Variants in FGGY observed in about 807,000 individuals in gnomAD.
The protein encoded by FGGY is FGGY carbohydrate kinase domain-containing protein.
Under a neutral mutation model 71.3 loss-of-function variants are expected in FGGY, and 72 were observed. That is an observed-to-expected ratio of 1.01 (90% CI 0.84 to 1.23). FGGY has a LOEUF of 1.23. Ranked by LOEUF, FGGY falls within the 50% of genes most tolerant of loss-of-function variation. FGGY has a pLI of 0.00. For synonymous variants in FGGY, 251 were observed against 250.3 expected, an observed-to-expected ratio of 1.00 and a Z score of -0.02; for missense variants, 668 against 682.3, an observed-to-expected ratio of 0.98 and a Z score of 0.23.
rs2094537757 is a variant in FGGY at position 59,512,324 on chromosome 1, A to G, written c.684A>G (p.Leu228=). The G allele has an allele frequency of 6.2e-7, 1 of 1,609,556 alleles. No individual in the cohort carries two copies. The highest frequency in any genetic ancestry group is 1.1e-5 in the South Asian group (1 of 90,430). ...DNYSKIGNQV[L]PPGASLGNGL... is the part of the protein sequence containing the mutation. ...ATGTCTACCCAGGAAACCAAGTGCT[A>G]CCTCCTGGAGCTTCTCTTGGAAATG... Residue 228 remains leucine (L), a synonymous_variant, in exon 7 of 16, where the codon CTA becomes CTG. Coordinates refer to ENST00000303721, the MANE Select transcript of FGGY (RefSeq NM_018291.5).
intron 7 of FGGY, among the ~76,000 whole-genome samples, chr1:59,535,409 A>T (rs1188443713): frequency 3.3e-5 from 5 of 152,208 alleles, no homozygotes; most frequent in Non-Finnish European, 7.3e-5. Context: ...CACTGTCAAC[A>T]TTAGACAGAT....
intron 8 of FGGY, among the ~76,000 whole-genome samples, chr1:59,603,663 G>T (rs553336762): frequency 3.3e-5 from 5 of 152,196 alleles, no homozygotes; most frequent in African/African-American, 1.2e-4. Context: ...CTAGAATCAC[G>T]ATGGGCCTTT....
intron 5 of FGGY, among the ~76,000 whole-genome samples, chr1:59,406,157 C>T (rs2062703655): frequency 6.6e-6 from 1 of 151,644 alleles, no homozygotes; most frequent in Non-Finnish European, 1.5e-5. Flanking sequence ...AATTTGCCTA[C>T]TTACTAAATC....
At chr1:59,627,475 TATATATATATATATAC>T (rs1483291136) in intron 10 of FGGY, among the ~76,000 whole-genome samples, 3 of 131,036 alleles carry the variant, frequency 2.3e-5, no homozygotes, top group African/African-American at 6.7e-5. Flanking sequence ...TATATATATA[TATATATATATATATAC>T]ACACACACAC....
At chr1:59,556,973 G>A (rs970068759) in intron 8 of FGGY, among the ~76,000 whole-genome samples, 1 of 152,142 alleles carries the variant, frequency 6.6e-6, no homozygotes, top group Non-Finnish European at 1.5e-5. Context: ...ACTTGGGAGT[G>A]GGAAGGGACC....
chr1:59,511,427 A>C (rs1335684228), intron 6 of FGGY, among the ~76,000 whole-genome samples: 11 of 152,182 alleles, frequency 7.2e-5, no homozygotes. Context: ...CCTGCAGTGC[A>C]GAAATACTAT....
intron 5 of FGGY, among the ~76,000 whole-genome samples, chr1:59,405,917 C>CTTTT (rs111511578): frequency 6.9e-6 from 1 of 144,896 alleles, no homozygotes; most frequent in Non-Finnish European, 1.5e-5. Flanking sequence ...TTTCCCCTAG[C>CTTTT]TTTTTTTTTT....
chr1:59,717,485 C>T (rs772409561), intron 14 of FGGY, among the ~76,000 whole-genome samples: 1 of 151,942 alleles, frequency 6.6e-6, no homozygotes, highest in Non-Finnish European at 1.5e-5. Context: ...CAACAAAGGC[C>T]GGATGGGAAA....
chr1:59,515,757 C>A (rs2094629274), intron 7 of FGGY, among the ~76,000 whole-genome samples: 1 of 152,108 alleles, frequency 6.6e-6, no homozygotes, highest in South Asian at 2.1e-4. Context: ...GCCTTTTGCC[C>A]TCCACCATGA....
At chr1:59,679,863 G>T (rs1235335028) in intron 14 of FGGY, among the ~76,000 whole-genome samples, 3 of 152,094 alleles carry the variant, frequency 2.0e-5, no homozygotes, top group Admixed American at 6.6e-5. Context: ...CTCCAGACTT[G>T]AATATTTAGG....
Position 59,723,679 on chromosome 1 carries a change from A to C in FGGY, c.1513-34252A>C, listed in dbSNP as rs1469710327. On this transcript the variant is annotated intron_variant, in intron 14 of 15. Transcript: ENST00000303721. ...CACACAGAGTGAGATCGTTTTATACACTAGTAACACAGTTACATTGTTTTT... is the reference window on the plus strand; with the variant it reads ...CACACAGAGTGAGATCGTTTTATACCCTAGTAACACAGTTACATTGTTTTT... Among the ~76,000 whole-genome samples the C allele has an allele frequency of 2.0e-5, 3 of 152,074 alleles. No individual in the cohort carries two copies. In the South Asian group the frequency reaches 6.2e-4, roughly 31 times the overall value.
intron 14 of FGGY, among the ~76,000 whole-genome samples, chr1:59,737,629 A>G (rs1329713074): frequency 1.3e-5 from 2 of 152,182 alleles, no homozygotes; most frequent in Non-Finnish European, 2.9e-5. Flanking sequence ...CCCATTTGGA[A>G]TGGCTGTATT....
At position 59,471,632 on chromosome 1, in the gene FGGY, CT is replaced by C. The variant is rs150017140; in HGVS notation, c.670+14557del. 5.7e-3 allele frequency among the ~76,000 whole-genome samples: 870 copies of C among 152,302 alleles called. 7 individuals carry two copies. The highest frequency in any genetic ancestry group is 0.02 in the African/African-American group (841 of 41,568). ...GCCTGATAAAGAATGACTTGGAGGT[CT>C]CCATGCCAGTTAGCCATCCATCCAG... On this transcript the variant is annotated intron_variant, in intron 6 of 15. Coordinates refer to ENST00000303721, the MANE Select transcript of FGGY (RefSeq NM_018291.5).
chr1:59,373,927 G>A (rs1001132219), intron 4 of FGGY, among the ~76,000 whole-genome samples: 25 of 152,218 alleles, frequency 1.6e-4, no homozygotes, highest in South Asian at 8.3e-4. Context: ...AGACTTAAAC[G>A]TTAGACCTAA....
chr1:59,479,027 T>C (rs1053317220), intron 6 of FGGY, among the ~76,000 whole-genome samples: 3 of 152,348 alleles, frequency 2.0e-5, no homozygotes, highest in Non-Finnish European at 4.4e-5. Context: ...CAGCCACAGC[T>C]AACACTGAGC....
At chr1:59,317,915 TGGTGTTGTGGAAG>T (rs1191653305) in intron 1 of FGGY, among the ~76,000 whole-genome samples, 1 of 152,210 alleles carries the variant, frequency 6.6e-6, no homozygotes, top group Non-Finnish European at 1.5e-5. Flanking sequence ...GCAGGCCACC[TGGTGTTGTGGAAG>T]GGTCAGTCTC....
chr1:59,349,581 A>G (rs911336739), intron 4 of FGGY, among the ~76,000 whole-genome samples: 2 of 152,198 alleles, frequency 1.3e-5, no homozygotes, highest in African/African-American at 4.8e-5. Flanking sequence ...ATTACATGGC[A>G]GTGTTTGTGA....
At chr1:59,376,864 G>A (rs2058721263) in intron 4 of FGGY, among the ~76,000 whole-genome samples, 1 of 152,202 alleles carries the variant, frequency 6.6e-6, no homozygotes. Context: ...TAGTTCCTCT[G>A]TCTTCTTTAC....
chr1:59,618,114 C>T (rs886256757), intron 9 of FGGY, among the ~76,000 whole-genome samples: 1 of 152,082 alleles, frequency 6.6e-6, no homozygotes, highest in South Asian at 2.1e-4. Flanking sequence ...GCCAAGAATA[C>T]GGTCACTCCA....
Sources: gnomAD v4.1 joint callset for allele counts (sites outside exome capture counted in the v4.1 genomes callset) on GRCh38, gnomAD v4.1.1 for gene constraint, MANE v1.5 for transcripts, NCBI Gene and HGNC (gene_info 2026-07-23, HGNC 2026-07-21) for gene names.